CAPZA3: variants seen among roughly 807,000 people sequenced by gnomAD.
CAPZA3 encodes capping actin protein of muscle Z-line subunit alpha 3.
CAPZA3 carries 22 observed loss-of-function variants against 23.6 expected under a neutral mutation model. That is an observed-to-expected ratio of 0.93 (90% CI 0.67 to 1.33). The LOEUF (loss-of-function observed/expected upper bound fraction) is 1.33, where lower values mean the gene tolerates loss of function less well. CAPZA3 is among the 40% of genes most tolerant of loss of function. CAPZA3 has a pLI of 0.00. For synonymous variants in CAPZA3, 142 were observed against 126.5 expected, an observed-to-expected ratio of 1.12 and a Z score of -0.82; for missense variants, 357 against 345.9, an observed-to-expected ratio of 1.03 and a Z score of -0.25.
Position 18,738,547 on chromosome 12 carries a change from A to C in CAPZA3, c.279A>C (p.Lys93Asn). Residue 93 changes from lysine (K) to asparagine (N), a missense_variant, in exon 1 of 1, where the codon AAA becomes AAC. Transcript: ENST00000317658. ...FFDHQSKLSF[K>N]YDLLQNQLKD... Reference sequence around the variant, plus strand: ...ACCATCAAAGCAAACTTTCTTTCAAATATGACCTGCTTCAAAATCAGCTGA... The same window carrying C: ...ACCATCAAAGCAAACTTTCTTTCAACTATGACCTGCTTCAAAATCAGCTGA... 1 of 1,614,146 alleles carries C rather than the reference A, an allele frequency of 6.2e-7. No individual in the cohort carries two copies.
At position 18,738,869 on chromosome 12, in the gene CAPZA3, C is replaced by T. The variant is rs1959701543; in HGVS notation, c.601C>T (p.Leu201Phe). ...AGCTCACTTCTTCAGGTGTGTCAACCTTCATATTGAAATATCCAAGGACCT... is the reference window on the plus strand; with the variant it reads ...AGCTCACTTCTTCAGGTGTGTCAACTTTCATATTGAAATATCCAAGGACCT... ...VQAHFFRCVN[L>F]HIEISKDLKE... The change falls in exon 1 of 1, where the codon CTT becomes TTT. Residue 201 changes from leucine (L) to phenylalanine (F), a missense_variant. Physicochemically the swap from Leu to Phe is conservative, Grantham distance 22. Coordinates refer to ENST00000317658, the MANE Select transcript of CAPZA3 (RefSeq NM_033328.3). 6.2e-7 allele frequency: 1 copy of T among 1,613,888 alleles called. No homozygotes were observed. The highest frequency in any genetic ancestry group is 8.5e-7 in the Non-Finnish European group (1 of 1,179,978).
Position 18,738,275 on chromosome 12 carries a change from CTT to C in CAPZA3, c.8_9del (p.Leu3GlnfsTer29). 6.2e-7 allele frequency: 1 copy of C among 1,604,342 alleles called. No homozygotes were observed. The highest frequency in any genetic ancestry group is 2.2e-5 in the East Asian group (1 of 44,830). On this transcript the variant is annotated frameshift_variant, in exon 1 of 1. Coordinates refer to ENST00000317658, the MANE Select transcript of CAPZA3 (RefSeq NM_033328.3). LOFTEE classifies it high-confidence loss of function. MT[L>X]SVLSRKDKER... The stretch of plus-strand genomic sequence containing the variant: ...GCTTCTGTTGCAACCAAACATGACA[CTT>C]AGCGTGCTGAGCAGGAAGGACAAGG...
chr12:18,738,914 G>A lies in CAPZA3; in HGVS notation c.646G>A (p.Val216Ile). The stretch of plus-strand genomic sequence containing the variant: ...GGACCTGAAAGAAAGCTTGGAAATA[G>A]TTAACCAAGCTCAACTGGCTCTAAG... ...SKDLKESLEI[V>I]NQAQLALSFA... Residue 216 changes from valine to isoleucine, a missense_variant, in exon 1 of 1, where the codon GTT becomes ATT. Val to Ile is a conservative substitution (Grantham distance 29). Coordinates refer to ENST00000317658, the MANE Select transcript of CAPZA3 (RefSeq NM_033328.3). 6.2e-7 allele frequency: 1 copy of A among 1,613,998 alleles called. No homozygotes were observed. Among genetic ancestry groups the A allele is most frequent in the Non-Finnish European group, 8.5e-7 (1 of 1,179,954 alleles).
Position 18,739,055 on chromosome 12 carries a change from A to G in CAPZA3, c.787A>G (p.Thr263Ala), listed in dbSNP as rs751553411. 10 of 1,612,096 alleles carry G rather than the reference A, an allele frequency of 6.2e-6. No homozygotes were observed. In the South Asian group the frequency reaches 8.8e-5, roughly 14 times the overall value. The stretch of plus-strand genomic sequence containing the variant: ...AATTCTACGAAGGGATCTTCCAGTG[A>G]CCCGCACTCTTATTGACTGGCACAG... ...RKILRRDLPV[T>A]RTLIDWHRIL... is the part of the protein sequence containing the mutation. The change falls in exon 1 of 1, where the codon ACC becomes GCC. Residue 263 changes from threonine (T) to alanine (A), a missense_variant. Transcript: ENST00000317658.
In CAPZA3 at chr12:18,738,649, G is replaced by C; in HGVS notation, c.381G>C (p.Leu127=). The change falls in exon 1 of 1, where the codon CTG becomes CTC. Residue 127 remains leucine (L), a synonymous_variant. Coordinates refer to ENST00000317658, the MANE Select transcript of CAPZA3 (RefSeq NM_033328.3). ...LRVVLLCALK[L]YVNDHYPKGN... ...TTGTTCTTCTGTGCGCCTTAAAACT[G>C]TATGTGAATGACCACTATCCAAAAG... is the stretch of plus-strand genomic sequence containing the variant. 1.2e-6 allele frequency: 2 copies of C among 1,614,052 alleles called. No homozygotes were observed. The highest frequency in any genetic ancestry group is 1.6e-4 in the Middle Eastern group (1 of 6,062).
rs199684920 is a variant in CAPZA3 at position 18,738,726 on chromosome 12, C to T, written c.458C>T (p.Ala153Val). The change falls in exon 1 of 1, where the codon GCT (alanine) becomes GTT (valine). Residue 153 changes from alanine to valine, a missense_variant. Coordinates refer to ENST00000317658, the MANE Select transcript of CAPZA3 (RefSeq NM_033328.3). The part of the protein sequence containing the change: ...KTVKSKEYLI[A>V]CIEDHNYETG... Reference sequence around the variant, plus strand: ...GTCAAAAGTAAGGAGTACTTGATAGCTTGCATTGAAGATCACAACTATGAA... The same window carrying T: ...GTCAAAAGTAAGGAGTACTTGATAGTTTGCATTGAAGATCACAACTATGAA... 1.0e-3 allele frequency: 1,637 copies of T among 1,614,042 alleles called. 4 individuals carry two copies. Among genetic ancestry groups the T allele is most frequent in the Non-Finnish European group, 1.3e-3 (1,486 of 1,179,936 alleles).
Position 18,738,540 on chromosome 12 carries a change from C to A in CAPZA3, c.272C>A (p.Ser91Tyr). The change falls in exon 1 of 1, where the codon TCT (serine) becomes TAT (tyrosine). Residue 91 changes from serine to tyrosine, a missense_variant. Transcript: ENST00000317658. ...YRFFDHQSKL[S>Y]FKYDLLQNQL... is the part of the protein sequence containing the mutation. Reference sequence around the variant, plus strand: ...TTTTTTGACCATCAAAGCAAACTTTCTTTCAAATATGACCTGCTTCAAAAT... The same window carrying A: ...TTTTTTGACCATCAAAGCAAACTTTATTTCAAATATGACCTGCTTCAAAAT... The A allele has an allele frequency of 2.5e-6, 4 of 1,614,094 alleles. No homozygotes were observed. Among genetic ancestry groups the A allele is most frequent in the Non-Finnish European group, 3.4e-6 (4 of 1,179,996 alleles).
Position 18,738,472 on chromosome 12 carries a change from T to A in CAPZA3, c.204T>A (p.Asn68Lys). Residue 68 changes from asparagine (N) to lysine (K), a missense_variant, in exon 1 of 1, where the codon AAT becomes AAA. Coordinates refer to ENST00000317658, the MANE Select transcript of CAPZA3 (RefSeq NM_033328.3). Reference protein sequence around the residue: ...KYSVPLCIDGNPVLLSHHNVM... With the variant: ...KYSVPLCIDGKPVLLSHHNVM... ...CTGTACCACTCTGCATCGATGGAAA[T>A]CCAGTACTCTTGTCTCACCACAATG... is the stretch of plus-strand genomic sequence containing the variant. 1 of 1,614,136 alleles carries A rather than the reference T, an allele frequency of 6.2e-7. No homozygotes were observed. Among genetic ancestry groups the A allele is most frequent in the Non-Finnish European group, 8.5e-7 (1 of 1,180,000 alleles).
Position 18,738,360 on chromosome 12 carries a change from T to C in CAPZA3, c.92T>C (p.Phe31Ser), listed in dbSNP as rs1401859046. The C allele has an allele frequency of 2.5e-6, 4 of 1,613,974 alleles. No individual in the cohort carries two copies. The highest frequency in any genetic ancestry group is 3.3e-5 in the Admixed American group (2 of 59,970). Residue 31 changes from phenylalanine to serine, a missense_variant, in exon 1 of 1, where the codon TTT becomes TCT. Phe to Ser is a radical substitution (Grantham distance 155). Transcript: ENST00000317658. Reference sequence around the variant, plus strand: ...CCTCCAGGGGAATTTGTAAATGCCTTTGATGATCTCTGTCTGCTTATCCGT... The same window carrying C: ...CCTCCAGGGGAATTTGTAAATGCCTCTGATGATCTCTGTCTGCTTATCCGT... ...QAPPGEFVNA[F>S]DDLCLLIRDE...
In CAPZA3 at chr12:18,739,045, T is replaced by C. The variant is rs34013843; in HGVS notation, c.777T>C (p.Asp259=). ...NEALRKILRR[D]LPVTRTLIDW... ...CCCTGAGAAAAATTCTACGAAGGGA[T>C]CTTCCAGTGACCCGCACTCTTATTG... The change falls in exon 1 of 1, where the codon GAT becomes GAC. Residue 259 remains aspartate (D), a synonymous_variant. Coordinates refer to ENST00000317658, the MANE Select transcript of CAPZA3 (RefSeq NM_033328.3). 5.0e-5 allele frequency: 80 copies of C among 1,612,098 alleles called. No individual in the cohort carries two copies. The highest frequency in any genetic ancestry group is 6.2e-5 in the Non-Finnish European group (73 of 1,179,928).
chr12:18,738,732 T>A lies in CAPZA3; in HGVS notation c.464T>A (p.Ile155Asn). The A allele has an allele frequency of 1.9e-6, 3 of 1,614,094 alleles. No individual in the cohort carries two copies. Among genetic ancestry groups the A allele is most frequent in the Non-Finnish European group, 2.5e-6 (3 of 1,179,972 alleles). Reference protein sequence around the residue: ...VKSKEYLIACIEDHNYETGEC... With the variant: ...VKSKEYLIACNEDHNYETGEC... ...AGTAAGGAGTACTTGATAGCTTGCA[T>A]TGAAGATCACAACTATGAAACAGGA... The change falls in exon 1 of 1, where the codon ATT becomes AAT. Residue 155 changes from isoleucine (I) to asparagine (N), a missense_variant. Coordinates refer to ENST00000317658, the MANE Select transcript of CAPZA3 (RefSeq NM_033328.3).
Position 18,738,655 on chromosome 12 carries a change from G to C in CAPZA3, c.387G>C (p.Val129=). Residue 129 remains valine (V), a synonymous_variant, in exon 1 of 1, where the codon GTG becomes GTC. Coordinates refer to ENST00000317658, the MANE Select transcript of CAPZA3 (RefSeq NM_033328.3). ...TTCTGTGCGCCTTAAAACTGTATGT[G>C]AATGACCACTATCCAAAAGGAAATT... ...VVLLCALKLY[V]NDHYPKGNCN... 6.2e-7 allele frequency: 1 copy of C among 1,614,074 alleles called. No homozygotes were observed. Among genetic ancestry groups the C allele is most frequent in the Non-Finnish European group, 8.5e-7 (1 of 1,179,980 alleles).
chr12:18,739,086 T>G lies in CAPZA3; in HGVS notation c.818T>G (p.Leu273Arg), dbSNP rs1298196432. ...ACTCTTATTGACTGGCACAGGATAC[T>G]CTCTGACTTGAATCTGGTGATGTAT... ...TRTLIDWHRI[L>R]SDLNLVMYPK... The change falls in exon 1 of 1, where the codon CTC becomes CGC. Residue 273 changes from leucine to arginine, a missense_variant. Transcript: ENST00000317658. 6.2e-7 allele frequency: 1 copy of G among 1,612,848 alleles called. No individual in the cohort carries two copies. The highest frequency in any genetic ancestry group is 1.7e-5 in the Admixed American group (1 of 59,950).
rs1461609021 is a variant in CAPZA3 at position 18,738,393 on chromosome 12, A to G, written c.125A>G (p.Lys42Arg). ...CTCTGTCTGCTTATCCGTGATGAAAAACTTATGCACCACCAAGGTGAGTGT... is the reference window on the plus strand; with the variant it reads ...CTCTGTCTGCTTATCCGTGATGAAAGACTTATGCACCACCAAGGTGAGTGT... ...DDLCLLIRDE[K>R]LMHHQGECAG... The change falls in exon 1 of 1, where the codon AAA becomes AGA. Residue 42 changes from lysine (K) to arginine (R), a missense_variant. Coordinates refer to ENST00000317658, the MANE Select transcript of CAPZA3 (RefSeq NM_033328.3). The G allele has an allele frequency of 6.2e-7, 1 of 1,613,978 alleles. No homozygotes were observed. Among genetic ancestry groups the G allele is most frequent in the East Asian group, 2.2e-5 (1 of 44,890 alleles).
At position 18,738,995 on chromosome 12, in the gene CAPZA3, G is replaced by T. The variant is rs918445686; in HGVS notation, c.727G>T (p.Glu243Ter). 6.2e-7 allele frequency: 1 copy of T among 1,612,704 alleles called. No homozygotes were observed. The highest frequency in any genetic ancestry group is 1.3e-5 in the African/African-American group (1 of 75,052). Residue 243 changes from glutamate (E) to a stop codon, truncating the protein, a stop_gained, in exon 1 of 1, where the codon GAA becomes TAA. Transcript: ENST00000317658. LOFTEE classifies it high-confidence loss of function. ...CAAATTTCAAGCTGCAGTCTTGGAA[G>T]AATTACAGGAGTTATCCAATGAAGC... ...ENKFQAAVLE[E>*]LQELSNEALR... is the part of the protein sequence containing the mutation.
In CAPZA3 at chr12:18,738,139, C is replaced by T; in HGVS notation, c.-130C>T. On this transcript the variant is annotated 5_prime_UTR_variant, in exon 1 of 1. Transcript: ENST00000317658. Reference sequence around the variant, plus strand: ...GGCTCAGACCTTGCCAGACTGCCTGCTTTCATGGATAGACATAAAAACCTT... The same window carrying T: ...GGCTCAGACCTTGCCAGACTGCCTGTTTTCATGGATAGACATAAAAACCTT... 2.3e-6 allele frequency: 2 copies of T among 857,522 alleles called. No homozygotes were observed. The highest frequency in any genetic ancestry group is 1.7e-5 in the African/African-American group (1 of 59,342). The allele number at this position is 857,522 out of a possible 1,614,324, so 53.1% of individuals were successfully genotyped here.
Position 18,738,188 on chromosome 12 carries a change from T to C in CAPZA3, c.-81T>C. 1 of 1,298,754 alleles carries C rather than the reference T, an allele frequency of 7.7e-7. No individual in the cohort carries two copies. Among genetic ancestry groups the C allele is most frequent in the Non-Finnish European group, 1.1e-6 (1 of 935,202 alleles). The allele number at this position is 1,298,754 out of a possible 1,614,324, so 80.5% of individuals were successfully genotyped here. ...TTCAGCTTGAATGTTAACACCTTGA[T>C]GGGAAAGGTGGCTCATGGAATGTTT... is the stretch of plus-strand genomic sequence containing the variant. On this transcript the variant is annotated 5_prime_UTR_variant, in exon 1 of 1. The change abolishes an upstream ATG in the 5' untranslated region. Coordinates refer to ENST00000317658, the MANE Select transcript of CAPZA3 (RefSeq NM_033328.3).
Position 18,738,993 on chromosome 12 carries a change from A to G in CAPZA3, c.725A>G (p.Glu242Gly), listed in dbSNP as rs1463215975. Residue 242 changes from glutamate to glycine, a missense_variant, in exon 1 of 1, where the codon GAA becomes GGA. Coordinates refer to ENST00000317658, the MANE Select transcript of CAPZA3 (RefSeq NM_033328.3). ...AACAAATTTCAAGCTGCAGTCTTGG[A>G]AGAATTACAGGAGTTATCCAATGAA... ...QENKFQAAVL[E>G]ELQELSNEAL... 1.2e-6 allele frequency: 2 copies of G among 1,612,870 alleles called. No homozygotes were observed. Among genetic ancestry groups the G allele is most frequent in the Admixed American group, 3.3e-5 (2 of 59,974 alleles).
Position 18,738,662 on chromosome 12 carries a change from C to T in CAPZA3, c.394C>T (p.His132Tyr), listed in dbSNP as rs1440099087. The change falls in exon 1 of 1, where the codon CAC becomes TAC. Residue 132 changes from histidine to tyrosine, a missense_variant. Physicochemically the swap from His to Tyr is moderately conservative, Grantham distance 83 (BLOSUM62 2). Transcript: ENST00000317658. The part of the protein sequence containing the change: ...LCALKLYVND[H>Y]YPKGNCNMLR... Reference sequence around the variant, plus strand: ...CGCCTTAAAACTGTATGTGAATGACCACTATCCAAAAGGAAATTGCAACAT... The same window carrying T: ...CGCCTTAAAACTGTATGTGAATGACTACTATCCAAAAGGAAATTGCAACAT... The T allele has an allele frequency of 6.2e-7, 1 of 1,613,984 alleles. No individual in the cohort carries two copies. The highest frequency in any genetic ancestry group is 1.7e-5 in the Admixed American group (1 of 59,982).
Sources: gnomAD v4.1 joint callset for allele counts on GRCh38, gnomAD v4.1.1 for gene constraint, MANE v1.5 for transcripts, NCBI Gene and HGNC (gene_info 2026-07-23, HGNC 2026-07-21) for gene names.